COL28A1: variants seen among roughly 807,000 people sequenced by gnomAD.
COL28A1 encodes the protein collagen type XXVIII alpha 1 chain, also known as collagen alpha-1(XXVIII) chain.
COL28A1 carries 161 observed loss-of-function variants against 150.2 expected under a neutral mutation model. That is an observed-to-expected ratio of 1.07 (90% CI 0.94 to 1.22). COL28A1 has a LOEUF of 1.22. COL28A1 is among the 50% of genes most tolerant of loss of function. COL28A1 has a pLI of 0.00. For missense variants in COL28A1, 1,617 were observed against 1,388.3 expected, an observed-to-expected ratio of 1.16 and a Z score of -2.62; for synonymous variants, 552 against 469.7, an observed-to-expected ratio of 1.18 and a Z score of -2.26.
Position 7,381,610 on chromosome 7 carries a change from C to T in COL28A1, c.2139G>A (p.Gly713=), listed in dbSNP as rs369032731. 918 of 1,612,150 alleles carry T rather than the reference C, an allele frequency of 5.7e-4. 10 individuals are homozygous for T. In the South Asian group the frequency reaches 8.0e-3, roughly 14 times the overall value. Residue 713 remains glycine, a splice_region_variant and synonymous_variant, in exon 28 of 35, where the codon GGG becomes GGA. Coordinates refer to ENST00000399429, the MANE Select transcript of COL28A1 (RefSeq NM_001037763.3). Reference sequence around the variant, plus strand: ...CTGGGAAGCCTTGTGGTCCTTGTTCCCCCTACATAGGATATGAGAAAGAGA... The same window carrying T: ...CTGGGAAGCCTTGTGGTCCTTGTTCTCCCTACATAGGATATGAGAAAGAGA... The part of the protein sequence containing the change: ...PPGYGSQGIK[G]EQGPQGFPGP...
chr7:7,396,058 G>A (rs1782817433), intron 27 of COL28A1, among the ~76,000 whole-genome samples: 1 of 152,162 alleles, frequency 6.6e-6, no homozygotes. Flanking sequence ...ATCATTTTCT[G>A]CTTTGTGAGT....
chr7:7,514,360 T>C (rs1479880591), intron 8 of COL28A1, among the ~76,000 whole-genome samples: 1 of 152,224 alleles, frequency 6.6e-6, no homozygotes, highest in Non-Finnish European at 1.5e-5. Context: ...CCAACCACTC[T>C]GTAAATTAGG....
intron 34 of COL28A1, among the ~76,000 whole-genome samples, chr7:7,359,542 C>T (rs1780525906): frequency 6.6e-6 from 1 of 152,042 alleles, no homozygotes; most frequent in African/African-American, 2.4e-5. Flanking sequence ...TCTGGAGTGC[C>T]TTGATTAGTA....
intron 27 of COL28A1, among the ~76,000 whole-genome samples, chr7:7,390,746 C>A (rs552606805): frequency 2.0e-5 from 3 of 152,216 alleles, no homozygotes; most frequent in Non-Finnish European, 2.9e-5. Flanking sequence ...AGGAACTTAT[C>A]CATTTCTTCT....
chr7:7,443,081 T>C (rs980479230), intron 20 of COL28A1, among the ~76,000 whole-genome samples: 6 of 151,952 alleles, frequency 3.9e-5, no homozygotes, highest in African/African-American at 1.5e-4. Flanking sequence ...TTAGGGGCTA[T>C]AGGTTATGTC....
intron 25 of COL28A1, among the ~76,000 whole-genome samples, chr7:7,425,822 G>T (rs76924771): frequency 0.022 from 3,311 of 152,268 alleles, 105 homozygotes; most frequent in African/African-American, 0.068. Context: ...ACTTGCTGAG[G>T]TCACACAGCT....
At chr7:7,362,566 G>A (rs867600953) in intron 33 of COL28A1, among the ~76,000 whole-genome samples, 20 of 151,880 alleles carry the variant, frequency 1.3e-4, no homozygotes, top group Middle Eastern at 3.4e-3. Flanking sequence ...TCATGTATGC[G>A]TATTTTTTAC....
chr7:7,506,380 CT>C (rs1310876573), intron 10 of COL28A1, among the ~76,000 whole-genome samples: 1 of 152,138 alleles, frequency 6.6e-6, no homozygotes, highest in East Asian at 1.9e-4. Context: ...TAAGTATCTT[CT>C]TTTTTAAAAT....
chr7:7,445,399 GT>G lies in COL28A1; in HGVS notation c.1510-911del, dbSNP rs368847023. Among the ~76,000 whole-genome samples, 706 of 152,254 alleles carry G rather than the reference GT, an allele frequency of 4.6e-3. 5 individuals are homozygous for G. Among genetic ancestry groups the G allele is most frequent in the East Asian group, 0.022 (113 of 5,184 alleles). On this transcript the variant is annotated intron_variant, in intron 18 of 34. Transcript: ENST00000399429. ...GACCAGGAAGCAATCTCCCTTACAG[GT>G]TTTGGAAGAAGCATAACCCTGCAGA... is the stretch of plus-strand genomic sequence containing the variant.
intron 11 of COL28A1, among the ~76,000 whole-genome samples, chr7:7,494,803 C>G (rs938144665): frequency 6.6e-6 from 1 of 152,058 alleles, no homozygotes; most frequent in African/African-American, 2.4e-5. Flanking sequence ...ATACATAAGA[C>G]TCTGAGGCAG....
intron 18 of COL28A1, among the ~76,000 whole-genome samples, chr7:7,448,944 A>G (rs1028780594): frequency 6.6e-6 from 1 of 152,124 alleles, no homozygotes; most frequent in Non-Finnish European, 1.5e-5. Context: ...TGGAAAGCAG[A>G]TCTGTGGGAA....
chr7:7,383,828 AAAT>A (rs1430256122), intron 27 of COL28A1, among the ~76,000 whole-genome samples: 3 of 151,866 alleles, frequency 2.0e-5, no homozygotes, highest in Non-Finnish European at 2.9e-5. Context: ...TCTGTATTAA[AAAT>A]AATATTTTAA....
At position 7,373,132 on chromosome 7, in the gene COL28A1, G is replaced by A. The variant is rs61743298; in HGVS notation, c.2774C>T (p.Thr925Ile). 2.7e-5 allele frequency: 44 copies of A among 1,614,128 alleles called. No homozygotes were observed. The African/African-American group carries it at 5.1e-4, about 19-fold the overall frequency. Residue 925 changes from threonine (T) to isoleucine (I), a missense_variant, in exon 32 of 35, where the codon ACC (threonine) becomes ATC (isoleucine). Coordinates refer to ENST00000399429, the MANE Select transcript of COL28A1 (RefSeq NM_001037763.3). This position sits in a 1 kb window ranked among gnomAD's most constrained non-coding sequence, Gnocchi z 4.1. ...CCCTATCACAAATATCTCCACATTG[G>A]TGTCACTGGCATTCTTCACCACCTC... is the stretch of plus-strand genomic sequence containing the variant. ...LTEVVKNASD[T>I]NVEIFVIGVV...
intron 1 of COL28A1, among the ~76,000 whole-genome samples, chr7:7,533,891 G>C (rs1782505098): frequency 1.3e-5 from 2 of 152,118 alleles, no homozygotes; most frequent in South Asian, 2.1e-4. Context: ...ATGCTTGCCT[G>C]CTGAAACTTT....
rs1782348455 is a variant in COL28A1, at chr7:7,531,459, A to G, written c.570T>C (p.Leu190=). Reference sequence around the variant, plus strand: ...GTTTGGCTTCATTGACTACCGTAGAAAGTGCAATGGTGATAAATGATATTC... The same window carrying G: ...GTTTGGCTTCATTGACTACCGTAGAGAGTGCAATGGTGATAAATGATATTC... ...ISGISFITIA[L]STVVNEAKLR... is the part of the protein sequence containing the mutation. The change falls in exon 3 of 35, where the codon CTT becomes CTC. Residue 190 remains leucine (L), a synonymous_variant. Coordinates refer to ENST00000399429, the MANE Select transcript of COL28A1 (RefSeq NM_001037763.3). 1 of 1,597,144 alleles carries G rather than the reference A, an allele frequency of 6.3e-7. No individual in the cohort carries two copies. The highest frequency in any genetic ancestry group is 1.3e-5 in the African/African-American group (1 of 74,636).
chr7:7,520,918 C>T (rs1263076161), intron 5 of COL28A1, among the ~76,000 whole-genome samples: 2 of 152,142 alleles, frequency 1.3e-5, no homozygotes, highest in African/African-American at 2.4e-5. Flanking sequence ...ACTGGCTGCC[C>T]CACTATCATA....
chr7:7,417,992 G>A, intron 26 of COL28A1, 65 bp from the exon 27 acceptor site: 1 of 1,294,888 alleles, frequency 7.7e-7, no homozygotes, highest in African/African-American at 1.5e-5. Flanking sequence ...ACAACGTTAA[G>A]TATTACTACT....
At chr7:7,511,055 T>C in intron 9 of COL28A1, 36 bp downstream of exon 9, 1 of 1,584,942 alleles carries the variant, frequency 6.3e-7, no homozygotes, top group East Asian at 2.2e-5. Flanking sequence ...CCAAAAGGGA[T>C]CACAGCTGTA....
chr7:7,404,176 A>C (rs17167323), intron 27 of COL28A1, among the ~76,000 whole-genome samples: 24,114 of 151,990 alleles, frequency 0.16, 2,130 homozygotes, highest in African/African-American at 0.24. Flanking sequence ...CATGGTTCAG[A>C]AATCAGTCAG....
Sources: allele counts gnomAD v4.1 joint callset (sites outside exome capture counted in the v4.1 genomes callset), GRCh38; gene constraint gnomAD v4.1.1; non-coding constraint Gnocchi (gnomAD v3.1); transcripts MANE v1.5; gene names NCBI Gene and HGNC (gene_info 2026-07-23, HGNC 2026-07-21).